The following FAF1 variants were observed in gnomAD, a reference collection of about 807,000 sequenced individuals.
The protein encoded by FAF1 is Fas associated factor 1.
In FAF1, 25 loss-of-function variants were observed where a neutral mutation model predicts 92.5. That is an observed-to-expected ratio of 0.27 (90% CI 0.20 to 0.38). The LOEUF (loss-of-function observed/expected upper bound fraction) is 0.38. Among genes scored for constraint, FAF1 ranks in the 10% least tolerant of loss-of-function variants. The pLI is 1.00. For missense variants in FAF1, 636 were observed against 793.3 expected (o/e 0.80, Z 2.38); for synonymous variants, 234 against 273.2 (o/e 0.86, Z 1.42).
intron 1 of FAF1, among the ~76,000 whole-genome samples, chr1:50,935,031 C>T (rs1645075465): frequency 6.6e-6 from 1 of 152,138 alleles, no homozygotes; most frequent in African/African-American, 2.4e-5. Context: ...ACTTGGTATT[C>T]ACTAAGCTTC....
intron 6 of FAF1, among the ~76,000 whole-genome samples, chr1:50,710,130 T>C (rs1417124468): frequency 2.0e-5 from 3 of 152,234 alleles, no homozygotes; most frequent in Non-Finnish European, 4.4e-5. Context: ...TTGATTGTTA[T>C]ATAGATCTTC....
chr1:50,444,946 T>A (rs960416430), intron 18 of FAF1, among the ~76,000 whole-genome samples: 22 of 152,300 alleles, frequency 1.4e-4, no homozygotes, highest in African/African-American at 4.3e-4. Flanking sequence ...AACTCTCTGC[T>A]GTTCCCAGAA....
chr1:50,867,755 A>G (rs1026824841), intron 1 of FAF1, among the ~76,000 whole-genome samples: 4 of 152,196 alleles, frequency 2.6e-5, no homozygotes, highest in Non-Finnish European at 5.9e-5. Context: ...GTACACCACT[A>G]TGAAAAACAG....
chr1:50,446,742 A>G (rs557651226), intron 18 of FAF1, among the ~76,000 whole-genome samples: 2 of 152,350 alleles, frequency 1.3e-5, no homozygotes, highest in East Asian at 3.9e-4. Flanking sequence ...TGAATAAAAG[A>G]AAGTCTGGAT....
chr1:50,806,395 T>C (rs1004369256), intron 2 of FAF1, among the ~76,000 whole-genome samples: 1 of 152,210 alleles, frequency 6.6e-6, no homozygotes, highest in Non-Finnish European at 1.5e-5. Flanking sequence ...GAACATCTCA[T>C]ACACTGTACA....
chr1:50,722,373 G>A (rs1157284892), intron 6 of FAF1, among the ~76,000 whole-genome samples: 3 of 152,186 alleles, frequency 2.0e-5, no homozygotes, highest in African/African-American at 7.2e-5. Context: ...ATAAGGCCGG[G>A]CGCGGTGGCT....
chr1:50,748,218 AGGC>A, intron 4 of FAF1, among the ~76,000 whole-genome samples: 1 of 152,286 alleles, frequency 6.6e-6, no homozygotes, highest in Middle Eastern at 3.4e-3. Context: ...GAAAAATGCC[AGGC>A]GTGGTGGCTC....
At chr1:50,896,339 T>C (rs1644757924) in intron 1 of FAF1, among the ~76,000 whole-genome samples, 1 of 152,194 alleles carries the variant, frequency 6.6e-6, no homozygotes, top group African/African-American at 2.4e-5. Flanking sequence ...CTTGAAATGA[T>C]GGATACCCTA....
At chr1:50,779,834 G>A (rs1661097649) in intron 4 of FAF1, among the ~76,000 whole-genome samples, 1 of 151,896 alleles carries the variant, frequency 6.6e-6, no homozygotes, top group Non-Finnish European at 1.5e-5. Context: ...TGTCATCCCA[G>A]CTACTCAGGA....
At chr1:50,898,279 C>G (rs933777002) in intron 1 of FAF1, among the ~76,000 whole-genome samples, 2 of 152,062 alleles carry the variant, frequency 1.3e-5, no homozygotes, top group African/African-American at 4.8e-5. Flanking sequence ...ACAGGCACTG[C>G]CCTCCAGCCT....
chr1:50,914,742 T>G (rs902746972), intron 1 of FAF1, among the ~76,000 whole-genome samples: 3 of 152,236 alleles, frequency 2.0e-5, no homozygotes, highest in African/African-American at 7.2e-5. Context: ...AGGGACAATG[T>G]GCTATACTTA....
chr1:50,509,625 C>A (rs1285769894), intron 15 of FAF1, among the ~76,000 whole-genome samples: 1 of 151,846 alleles, frequency 6.6e-6, no homozygotes, highest in Non-Finnish European at 1.5e-5. Flanking sequence ...AAATAAATAT[C>A]AAAAAAGCAA....
chr1:50,736,500 A>C (rs1306923735), intron 6 of FAF1, among the ~76,000 whole-genome samples: 2 of 152,230 alleles, frequency 1.3e-5, no homozygotes, highest in African/African-American at 4.8e-5. Context: ...CTGTAATCCC[A>C]GCACTTTGGG....
rs1457290127 is a variant in FAF1 at position 50,527,842 on chromosome 1, T to TCTCC, written c.1494+7526_1494+7527insGGAG. 7.8e-5 allele frequency among the ~76,000 whole-genome samples: 4 copies of TCTCC among 51,462 alleles called. No homozygotes were observed. The East Asian group carries it at 5.0e-3, about 65-fold the overall frequency. 33.8% of individuals were successfully genotyped at this position (51,462 alleles called of 152,430 possible). A position where few individuals can be genotyped will look rare whatever the true frequency, so the allele number is the denominator to read the frequency against. On this transcript the variant is annotated intron_variant, in intron 15 of 18. Coordinates refer to ENST00000396153, the MANE Select transcript of FAF1 (RefSeq NM_007051.3). Reference sequence around the variant, plus strand: ...CTCTCTCTCTCTCTCTCTCTCTCTCTCCCTCTCTCCCTCTCTCCCTCTCTC... The same window carrying TCTCC: ...CTCTCTCTCTCTCTCTCTCTCTCTCTCTCCCCCTCTCTCCCTCTCTCCCTCTCTC...
At chr1:50,510,262 T>C (rs1328933540) in intron 15 of FAF1, among the ~76,000 whole-genome samples, 5 of 152,010 alleles carry the variant, frequency 3.3e-5, no homozygotes, top group African/African-American at 9.7e-5. Flanking sequence ...TCTGGGACTA[T>C]GGCATGTAAT....
intron 4 of FAF1, chr1:50,780,760 C>G (rs1025255344): frequency 3.3e-5 from 10 of 300,750 alleles, no homozygotes; most frequent in Admixed American, 8.3e-5. Context: ...CAAATCACCC[C>G]GAGGGAGCTG....
chr1:50,597,754 A>G (rs72690472), intron 8 of FAF1, among the ~76,000 whole-genome samples: 3,518 of 152,320 alleles, frequency 0.023, 65 homozygotes, highest in Non-Finnish European at 0.038. Context: ...TGATTGAAAT[A>G]TAAGGATGGT....
intron 1 of FAF1, among the ~76,000 whole-genome samples, chr1:50,913,227 A>G (rs561047342): frequency 6.6e-6 from 1 of 152,242 alleles, no homozygotes; most frequent in African/African-American, 2.4e-5. Context: ...TGCCTGGGAC[A>G]CAGTAGATTG....
chr1:50,572,681 A>G (rs1417005692), intron 12 of FAF1, among the ~76,000 whole-genome samples: 1 of 152,150 alleles, frequency 6.6e-6, no homozygotes, highest in Non-Finnish European at 1.5e-5. Context: ...GAAAGTCACT[A>G]CACTTTTGTG....
Sources: gnomAD v4.1 joint callset for allele counts (sites outside exome capture counted in the v4.1 genomes callset) on GRCh38, gnomAD v4.1.1 for gene constraint, MANE v1.5 for transcripts, NCBI Gene and HGNC (gene_info 2026-07-23, HGNC 2026-07-21) for gene names.